Variants in SAR1B observed in about 807,000 individuals in gnomAD.
SAR1B encodes small COPII coat GTPase SAR1B.
In SAR1B, 23 loss-of-function variants were observed where a neutral mutation model predicts 26.8. The ratio of observed to expected loss-of-function variants is 0.86; its 90% CI spans 0.62 to 1.22. The LOEUF (loss-of-function observed/expected upper bound fraction) is 1.22. Ranked by LOEUF, SAR1B falls within the 50% of genes most tolerant of loss-of-function variation. The probability of loss-of-function intolerance (pLI) is 0.00; values close to 1 mark genes in which losing one functional copy is unlikely to be tolerated. For missense variants in SAR1B, 196 were observed against 232.8 expected, an observed-to-expected ratio of 0.84 and a Z score of 1.03; for synonymous variants, 65 against 80.8, an observed-to-expected ratio of 0.80 and a Z score of 1.05.
rs1415280486 is a variant in SAR1B, at chr5:134,602,491, A to T, written c.*4459T>A. On this transcript the variant is annotated 3_prime_UTR_variant, in exon 7 of 7. Coordinates refer to ENST00000402673, the MANE Select transcript of SAR1B (RefSeq NM_016103.4). ...TCACTTTATACAGAGGCAGAGTCAC[A>T]TATCCCAAGAGCTGGTTCTTCTTTT... 1 of 152,204 alleles carries T rather than the reference A, an allele frequency of 6.6e-6. No homozygotes were observed. The highest frequency in any genetic ancestry group is 1.5e-5 in the Non-Finnish European group (1 of 68,028). The allele number at this position is 152,204 out of a possible 1,614,324, so 9.4% of individuals were successfully genotyped here.
At position 134,612,684 on chromosome 5, in the gene SAR1B, A is replaced by AAATAAAT; in HGVS notation, c.244+6_244+7insATTTATT. The AAATAAAT allele has an allele frequency of 9.8e-7, 1 of 1,017,752 alleles. No homozygotes were observed. Among genetic ancestry groups the AAATAAAT allele is most frequent in the Non-Finnish European group, 1.4e-6 (1 of 711,308 alleles). The allele number at this position is 1,017,752 out of a possible 1,614,324, so 63.0% of individuals were successfully genotyped here. A position where few individuals can be genotyped will look rare whatever the true frequency, so the allele number is the denominator to read the frequency against. ...AAAAAAAAAAAAAAAAAAAAAAAGA[A>AAATAAAT]TCTTACCTTGAACATGTCCACCCAG... is the stretch of plus-strand genomic sequence containing the variant. On this transcript the variant is annotated splice_region_variant and intron_variant, in intron 4 of 6. Coordinates refer to ENST00000402673, the MANE Select transcript of SAR1B (RefSeq NM_016103.4).
At chr5:134,620,103 A>G (rs954708257) in intron 3 of SAR1B, among the ~76,000 whole-genome samples, 12 of 152,158 alleles carry the variant, frequency 7.9e-5, no homozygotes, top group South Asian at 2.1e-4. Flanking sequence ...TCAGGAGATC[A>G]AGACCATCCT....
intron 3 of SAR1B, 28 bp downstream of exon 3, chr5:134,620,905 A>G (rs1765396082): frequency 3.1e-6 from 5 of 1,612,780 alleles, no homozygotes; most frequent in Admixed American, 1.7e-5. Flanking sequence ...TTGATCAAGT[A>G]TCACATTGTA....
At chr5:134,620,285 G>A (rs920778306) in intron 3 of SAR1B, among the ~76,000 whole-genome samples, 20 of 150,996 alleles carry the variant, frequency 1.3e-4, no homozygotes, top group African/African-American at 3.9e-4. Flanking sequence ...CAGCCTGGGC[G>A]ACAGAGTGAG....
At chr5:134,608,593 T>A (rs925003932) in intron 5 of SAR1B, 90 bp from the exon 6 acceptor site, 1 of 1,369,136 alleles carries the variant, frequency 7.3e-7, no homozygotes. Context: ...AAGGACTCAT[T>A]TTCTACCATA....
chr5:134,627,842 A>AAATC (rs1765523433), intron 1 of SAR1B, among the ~76,000 whole-genome samples: 1 of 137,324 alleles, frequency 7.3e-6, no homozygotes, highest in Non-Finnish European at 1.6e-5. Flanking sequence ...ATAAATAAAT[A>AAATC]AAACCACACA....
At chr5:134,631,501 T>TTGTCTCAA (rs1319971571) in intron 1 of SAR1B, 8 of 152,210 alleles carry the variant, frequency 5.3e-5, no homozygotes, top group Non-Finnish European at 8.8e-5. Flanking sequence ...CCTTCTTTCA[T>TTGTCTCAA]TGTTTCAATG....
chr5:134,607,833 A>G lies in SAR1B; in HGVS notation c.480+539T>C, dbSNP rs113355862. Among the ~76,000 whole-genome samples, 555 of 151,910 alleles carry G rather than the reference A, an allele frequency of 3.7e-3. 3 individuals carry two copies. The highest frequency in any genetic ancestry group is 0.013 in the African/African-American group (531 of 41,470). ...CAGTATTTCTCCACCCTGAAATAGT[A>G]TATGTAAACTAAAAAAATTTTGTAA... On this transcript the variant is annotated intron_variant, in intron 6 of 6. Transcript: ENST00000402673.
At position 134,606,930 on chromosome 5, in the gene SAR1B, G is replaced by A; in HGVS notation, c.*20C>T. 2.6e-6 allele frequency: 4 copies of A among 1,510,342 alleles called. No homozygotes were observed. Among genetic ancestry groups the A allele is most frequent in the Non-Finnish European group, 3.7e-6 (4 of 1,085,318 alleles). The allele number at this position is 1,510,342 out of a possible 1,614,324, so 93.6% of individuals were successfully genotyped here. A position where few individuals can be genotyped will look rare whatever the true frequency, so the allele number is the denominator to read the frequency against. On this transcript the variant is annotated 3_prime_UTR_variant, in exon 7 of 7. Coordinates refer to ENST00000402673, the MANE Select transcript of SAR1B (RefSeq NM_016103.4). ...TGAGTAAGCCTGAACGTTGAGACCT[G>A]GAACCAATGTGAGTTTGTGTTAATC...
At chr5:134,625,411 G>A (rs1396210837) in intron 1 of SAR1B, among the ~76,000 whole-genome samples, 2 of 152,198 alleles carry the variant, frequency 1.3e-5, no homozygotes, top group African/African-American at 4.8e-5. Flanking sequence ...GAGTACTAGT[G>A]AGAGGGCTGT....
chr5:134,620,465 G>T (rs1765386828), intron 3 of SAR1B, among the ~76,000 whole-genome samples: 1 of 152,140 alleles, frequency 6.6e-6, no homozygotes, highest in African/African-American at 2.4e-5. Flanking sequence ...ACTAATTCAA[G>T]ATCTAAATAT....
At chr5:134,629,405 A>C (rs964843826) in intron 1 of SAR1B, among the ~76,000 whole-genome samples, 1 of 152,076 alleles carries the variant, frequency 6.6e-6, no homozygotes, top group African/African-American at 2.4e-5. Context: ...CAAAAGAAAA[A>C]ATACAAAAAT....
chr5:134,602,486 G>A lies in SAR1B; in HGVS notation c.*4464C>T, dbSNP rs1043145940. 5 of 152,154 alleles carry A rather than the reference G, an allele frequency of 3.3e-5. No homozygotes were observed. The highest frequency in any genetic ancestry group is 7.3e-5 in the Non-Finnish European group (5 of 68,032). 9.4% of individuals were successfully genotyped at this position (152,154 alleles called of 1,614,324 possible). A position where few individuals can be genotyped will look rare whatever the true frequency, so the allele number is the denominator to read the frequency against. ...TCCAGTCACTTTATACAGAGGCAGA[G>A]TCACATATCCCAAGAGCTGGTTCTT... is the stretch of plus-strand genomic sequence containing the variant. On this transcript the variant is annotated 3_prime_UTR_variant, in exon 7 of 7. Coordinates refer to ENST00000402673, the MANE Select transcript of SAR1B (RefSeq NM_016103.4).
chr5:134,623,010 A>G (rs1046252187), intron 2 of SAR1B, among the ~76,000 whole-genome samples: 1 of 151,064 alleles, frequency 6.6e-6, no homozygotes. Flanking sequence ...GTAATCCCAG[A>G]TACTCGGGAG....
chr5:134,632,063 G>C (rs536988464), intron 1 of SAR1B: 1 of 152,260 alleles, frequency 6.6e-6, no homozygotes, highest in South Asian at 2.1e-4. Flanking sequence ...TTAGCGGTGC[G>C]TGGTGGCGGG....
intron 3 of SAR1B, among the ~76,000 whole-genome samples, chr5:134,620,131 C>A (rs1338465158): frequency 6.6e-6 from 1 of 151,802 alleles, no homozygotes; most frequent in Non-Finnish European, 1.5e-5. Flanking sequence ...ACGGAGAAAC[C>A]CCGTCTCTAC....
At chr5:134,611,449 G>C (rs1323234943) in intron 4 of SAR1B, among the ~76,000 whole-genome samples, 1 of 152,064 alleles carries the variant, frequency 6.6e-6, no homozygotes, top group Non-Finnish European at 1.5e-5. Context: ...GGCCAGGTGT[G>C]GTGGCTCACA....
At chr5:134,632,267 T>C (rs1432367964) in intron 1 of SAR1B, 1 of 152,178 alleles carries the variant, frequency 6.6e-6, no homozygotes, top group Admixed American at 6.5e-5. Context: ...ACAGTGTATC[T>C]TTTTTCCACT....
At chr5:134,623,121 C>CAAA (rs70976543) in intron 2 of SAR1B, among the ~76,000 whole-genome samples, 24 of 113,884 alleles carry the variant, frequency 2.1e-4, no homozygotes, top group Middle Eastern at 4.6e-3. Flanking sequence ...GACTCTGTCT[C>CAAA]AAAAAAAAAA....
Sources: gnomAD v4.1 joint callset for allele counts (sites outside exome capture counted in the v4.1 genomes callset) on GRCh38, gnomAD v4.1.1 for gene constraint, MANE v1.5 for transcripts, NCBI Gene and HGNC (gene_info 2026-07-23, HGNC 2026-07-21) for gene names.